Variants in DEPDC1B observed in about 807,000 individuals in gnomAD.
DEPDC1B encodes DEP domain-containing protein 1B.
Under a neutral mutation model 66.5 loss-of-function variants are expected in DEPDC1B, and 51 were observed. The ratio of observed to expected loss-of-function variants is 0.77; its 90% CI spans 0.61 to 0.97. The LOEUF is 0.97. Among genes scored for constraint, DEPDC1B ranks in the 50% least tolerant of loss-of-function variants. The pLI is 0.00. For synonymous variants in DEPDC1B, 226 were observed against 223.6 expected (o/e 1.01, Z -0.10); for missense variants, 552 against 637.1 (o/e 0.87, Z 1.44).
chr5:60,677,615 C>T (rs1685743665), intron 2 of DEPDC1B, among the ~76,000 whole-genome samples: 1 of 152,022 alleles, frequency 6.6e-6, no homozygotes, highest in Non-Finnish European at 1.5e-5. Context: ...TGGCTCACTG[C>T]ACCCTTGAAC....
In DEPDC1B at chr5:60,645,005, A is replaced by G. The variant is rs185959881; in HGVS notation, c.579-130T>C. On this transcript the variant is annotated intron_variant, in intron 4 of 10. Transcript: ENST00000265036. Reference sequence around the variant, plus strand: ...CATTGCACCCAATCTTTGCGGGGCAAAAAGGGTAGAAATGGAGTACAATAA... The same window carrying G: ...CATTGCACCCAATCTTTGCGGGGCAGAAAGGGTAGAAATGGAGTACAATAA... The G allele has an allele frequency of 1.7e-3, 1,031 of 605,730 alleles. 3 individuals are homozygous for G. The highest frequency in any genetic ancestry group is 3.4e-3 in the Admixed American group (90 of 26,794). 37.5% of individuals were successfully genotyped at this position (605,730 alleles called of 1,614,324 possible). A position where few individuals can be genotyped will look rare whatever the true frequency, so the allele number is the denominator to read the frequency against.
rs146368341 is a variant in DEPDC1B at position 60,655,300 on chromosome 5, C to A, written c.315-7767G>T. On this transcript the variant is annotated intron_variant, in intron 2 of 10. Coordinates refer to ENST00000265036, the MANE Select transcript of DEPDC1B (RefSeq NM_018369.3). Reference sequence around the variant, plus strand: ...TATTTTTTTCTTACCATTTGAATCTCGCTGCTTGCTATTGGTCTGTTCAGA... The same window carrying A: ...TATTTTTTTCTTACCATTTGAATCTAGCTGCTTGCTATTGGTCTGTTCAGA... 1.3e-4 allele frequency among the ~76,000 whole-genome samples: 20 copies of A among 148,640 alleles called. 4 individuals carry two copies. Among genetic ancestry groups the A allele is most frequent in the African/African-American group, 5.1e-4 (20 of 39,386 alleles).
At chr5:60,639,580 A>G (rs981226661) in intron 6 of DEPDC1B, among the ~76,000 whole-genome samples, 2 of 152,214 alleles carry the variant, frequency 1.3e-5, no homozygotes, top group African/African-American at 4.8e-5. Flanking sequence ...ACCCTGAAAC[A>G]GCCTGCTCCC....
intron 2 of DEPDC1B, among the ~76,000 whole-genome samples, chr5:60,677,324 ACACTCTCTCT>A (rs1163764075): frequency 2.8e-4 from 22 of 78,832 alleles, no homozygotes; most frequent in African/African-American, 1.5e-3. Flanking sequence ...ACACACACAC[ACACTCTCTCT>A]CTCTCTCTCT....
chr5:60,668,111 TTA>T (rs376530413), intron 2 of DEPDC1B, among the ~76,000 whole-genome samples: 161 of 77,334 alleles, frequency 2.1e-3, no homozygotes, highest in African/African-American at 7.7e-3. Flanking sequence ...AATGGATATT[TTA>T]TATATATATA....
chr5:60,615,206 G>A (rs570637075), intron 7 of DEPDC1B, among the ~76,000 whole-genome samples: 1 of 152,278 alleles, frequency 6.6e-6, no homozygotes, highest in African/African-American at 2.4e-5. Flanking sequence ...CCAGTCTACA[G>A]TGCCCAGCGT....
chr5:60,637,031 C>A (rs999569429), intron 7 of DEPDC1B, among the ~76,000 whole-genome samples: 1 of 151,966 alleles, frequency 6.6e-6, no homozygotes, highest in Non-Finnish European at 1.5e-5. Flanking sequence ...AAAAAGTTTC[C>A]AAAACAGATA....
chr5:60,620,126 T>C (rs1752667868), intron 7 of DEPDC1B, among the ~76,000 whole-genome samples: 1 of 152,142 alleles, frequency 6.6e-6, no homozygotes, highest in Non-Finnish European at 1.5e-5. Flanking sequence ...TTACACCTTA[T>C]ACAAAAATTA....
chr5:60,699,710 G>A (rs1458852681), intron 1 of DEPDC1B, among the ~76,000 whole-genome samples: 1 of 152,170 alleles, frequency 6.6e-6, no homozygotes, highest in Non-Finnish European at 1.5e-5. Context: ...GGCCCCTCAG[G>A]TTACCGACCG....
intron 7 of DEPDC1B, among the ~76,000 whole-genome samples, chr5:60,612,262 A>G (rs1014247383): frequency 6.6e-6 from 1 of 151,998 alleles, no homozygotes; most frequent in Non-Finnish European, 1.5e-5. Flanking sequence ...ATCTCTACTA[A>G]AAATACAAAA....
chr5:60,694,067 CAGAAGT>C (rs915161802), intron 1 of DEPDC1B, among the ~76,000 whole-genome samples: 6 of 152,024 alleles, frequency 3.9e-5, no homozygotes, highest in African/African-American at 1.4e-4. Flanking sequence ...CTTTTAATTA[CAGAAGT>C]AATAACACTC....
intron 2 of DEPDC1B, among the ~76,000 whole-genome samples, chr5:60,662,545 T>C (rs140580362): frequency 0.018 from 2,801 of 152,282 alleles, 51 homozygotes; most frequent in Middle Eastern, 0.051. Context: ...GTCATGGCCC[T>C]CAGGCAAGCG....
chr5:60,637,083 A>C (rs1443663311), intron 7 of DEPDC1B, among the ~76,000 whole-genome samples: 1 of 152,222 alleles, frequency 6.6e-6, no homozygotes, highest in Non-Finnish European at 1.5e-5. Context: ...ATGAGAATGA[A>C]ATCTAAGAAG....
intron 7 of DEPDC1B, 106 bp from the exon 8 acceptor site, chr5:60,605,962 T>A: frequency 2.1e-6 from 2 of 974,556 alleles, no homozygotes; most frequent in Non-Finnish European, 2.9e-6. Flanking sequence ...CATAAAATAT[T>A]TTCACATATT....
At chr5:60,613,040 T>C (rs992592944) in intron 7 of DEPDC1B, among the ~76,000 whole-genome samples, 5 of 152,270 alleles carry the variant, frequency 3.3e-5, no homozygotes, top group African/African-American at 1.2e-4. Flanking sequence ...GTCTTCATTA[T>C]GCTTCTCTTC....
chr5:60,672,852 T>C (rs942953780), intron 2 of DEPDC1B, among the ~76,000 whole-genome samples: 1 of 152,172 alleles, frequency 6.6e-6, no homozygotes, highest in Admixed American at 6.5e-5. Flanking sequence ...AAGCTCACAT[T>C]ATACTTAACT....
At chr5:60,673,318 A>T (rs1754086132) in intron 2 of DEPDC1B, among the ~76,000 whole-genome samples, 1 of 152,162 alleles carries the variant, frequency 6.6e-6, no homozygotes. Context: ...TTCTAACTAA[A>T]CTATAGATAG....
At chr5:60,675,975 T>G (rs1300257046) in intron 2 of DEPDC1B, among the ~76,000 whole-genome samples, 1 of 151,666 alleles carries the variant, frequency 6.6e-6, no homozygotes, top group African/African-American at 2.4e-5. Flanking sequence ...TGCCCAGGCC[T>G]GGAATGCACT....
chr5:60,605,514 CA>C (rs1393323976), intron 8 of DEPDC1B, among the ~76,000 whole-genome samples, 175 bp downstream of exon 8: 1 of 152,184 alleles, frequency 6.6e-6, no homozygotes, highest in African/African-American at 2.4e-5. Flanking sequence ...CTCCATTTCT[CA>C]TTATGTTCTT....
Sources: gnomAD v4.1 joint callset for allele counts (sites outside exome capture counted in the v4.1 genomes callset) on GRCh38, gnomAD v4.1.1 for gene constraint, MANE v1.5 for transcripts, NCBI Gene and HGNC (gene_info 2026-07-23, HGNC 2026-07-21) for gene names.